PIBF1: variants seen among roughly 807,000 people sequenced by gnomAD.
PIBF1 encodes the protein progesterone immunomodulatory binding factor 1.
Under a neutral mutation model 112.5 loss-of-function variants are expected in PIBF1, and 90 were observed. The observed-to-expected ratio is 0.80, with a 90% confidence interval of 0.67 to 0.95. The LOEUF (loss-of-function observed/expected upper bound fraction) is 0.95, where lower values mean the gene tolerates loss of function less well. Among genes scored for constraint, PIBF1 ranks in the 40% least tolerant of loss-of-function variants. The pLI, the probability that PIBF1 is intolerant of heterozygous loss-of-function variation, is 0.00. For missense variants in PIBF1, 915 were observed against 852.3 expected (o/e 1.07, Z -0.92); for synonymous variants, 301 against 288.6 (o/e 1.04, Z -0.44).
At chr13:72,835,004 T>C (rs1230549017) in intron 8 of PIBF1, among the ~76,000 whole-genome samples, 1 of 152,188 alleles carries the variant, frequency 6.6e-6, no homozygotes, top group African/African-American at 2.4e-5. Flanking sequence ...ATTACTAAGA[T>C]TTTATATAGT....
At chr13:72,974,203 T>C (rs568923041) in intron 16 of PIBF1, 2 of 152,856 alleles carry the variant, frequency 1.3e-5, no homozygotes, top group African/African-American at 4.8e-5. Context: ...TCCTTTAAGG[T>C]TTATTGAGTT....
At chr13:72,790,800 G>A (rs1165338084) in intron 2 of PIBF1, among the ~76,000 whole-genome samples, 2 of 152,166 alleles carry the variant, frequency 1.3e-5, no homozygotes, top group Admixed American at 6.5e-5. Flanking sequence ...AAAAAACAAT[G>A]CACAGGACAT....
Position 72,827,770 on chromosome 13 carries a change from A to T in PIBF1, c.953A>T (p.Lys318Met), listed in dbSNP as rs763933005. 6.3e-7 allele frequency: 1 copy of T among 1,594,794 alleles called. No individual in the cohort carries two copies. The highest frequency in any genetic ancestry group is 8.5e-7 in the Non-Finnish European group (1 of 1,170,822). Residue 318 changes from lysine to methionine, a missense_variant, in exon 8 of 18, where the codon AAG becomes ATG. Physicochemically the swap from Lys to Met is moderately conservative, Grantham distance 95. Transcript: ENST00000326291. ...TLEQTVTLLQ[K>M]DKEYLNRQNM... ...GAGCAAACTGTTACTTTACTGCAAA[A>T]GGATAAAGAATATCTTAATCGCCAA...
At position 72,782,256 on chromosome 13, in the gene PIBF1, A is replaced by C; in HGVS notation, c.-141A>C. 1 of 172,978 alleles carries C rather than the reference A, an allele frequency of 5.8e-6. No individual in the cohort carries two copies. The highest frequency in any genetic ancestry group is 1.3e-4 in the East Asian group (1 of 7,962). 10.7% of individuals were successfully genotyped at this position (172,978 alleles called of 1,614,324 possible). ...TGAAATCCCTTGTTGAGGGCCTGCA[A>C]CCTTGTGCTTCCGACCGGAGACGCC... On this transcript the variant is annotated 5_prime_UTR_variant, in exon 1 of 18. Coordinates refer to ENST00000326291, the MANE Select transcript of PIBF1 (RefSeq NM_006346.4).
rs2035265885 is a variant in PIBF1, at chr13:72,797,768, G to A, written c.553-139G>A. ...TTAAGGCTTGATAGAAAGTATTAGT[G>A]GCTAGGGTCCATTAATGACTGTCTT... On this transcript the variant is annotated intron_variant, in intron 4 of 17. Coordinates refer to ENST00000326291, the MANE Select transcript of PIBF1 (RefSeq NM_006346.4). 8.3e-6 allele frequency: 5 copies of A among 601,606 alleles called. No individual in the cohort carries two copies. The East Asian group carries it at 1.5e-4, about 18-fold the overall frequency. The allele number at this position is 601,606 out of a possible 1,614,324, so 37.3% of individuals were successfully genotyped here. A position where few individuals can be genotyped will look rare whatever the true frequency, so the allele number is the denominator to read the frequency against.
At chr13:72,978,720 T>G (rs2043085133) in intron 16 of PIBF1, among the ~76,000 whole-genome samples, 1 of 152,212 alleles carries the variant, frequency 6.6e-6, no homozygotes, top group Non-Finnish European at 1.5e-5. Context: ...TCTATCTTAC[T>G]CTAAAATGTC....
intron 14 of PIBF1, among the ~76,000 whole-genome samples, chr13:72,935,996 TTAA>T (rs2041860902): frequency 6.6e-6 from 1 of 150,726 alleles, no homozygotes; most frequent in African/African-American, 2.4e-5. Context: ...TTTTCACCTC[TTAA>T]TGATGTCTTT....
intron 9 of PIBF1, among the ~76,000 whole-genome samples, chr13:72,852,840 G>C (rs117767350): frequency 0.029 from 4,363 of 152,264 alleles, 108 homozygotes; most frequent in Non-Finnish European, 0.043. Context: ...AGTGTGGCAT[G>C]ATGTAAAAAG....
At chr13:72,866,677 C>G (rs1393851920) in intron 10 of PIBF1, among the ~76,000 whole-genome samples, 1 of 152,014 alleles carries the variant, frequency 6.6e-6, no homozygotes, top group Non-Finnish European at 1.5e-5. Context: ...GTATAAAAAC[C>G]TAGCTTTAGA....
intron 14 of PIBF1, among the ~76,000 whole-genome samples, chr13:72,960,383 C>T (rs543759805): frequency 2.6e-4 from 40 of 152,074 alleles, no homozygotes; most frequent in Non-Finnish European, 5.4e-4. Flanking sequence ...CTAGCCTAGG[C>T]AACAGAGTGA....
chr13:72,935,328 C>CT (rs1200890315), intron 14 of PIBF1, among the ~76,000 whole-genome samples: 1 of 152,036 alleles, frequency 6.6e-6, no homozygotes, highest in Non-Finnish European at 1.5e-5. Flanking sequence ...TATGTATATG[C>CT]TTTTTTTAAT....
chr13:72,868,844 A>G (rs1239782339), intron 10 of PIBF1, among the ~76,000 whole-genome samples: 2 of 151,784 alleles, frequency 1.3e-5, no homozygotes, highest in East Asian at 1.9e-4. Context: ...AAAAAAAAAA[A>G]AAAAAAAGAT....
In PIBF1 at chr13:72,917,116, C is replaced by T. The variant is rs372236705; in HGVS notation, c.1680C>T (p.Tyr560=). 3.6e-5 allele frequency: 57 copies of T among 1,597,400 alleles called. No homozygotes were observed. In the Admixed American group the frequency reaches 3.6e-4, roughly 10 times the overall value. Residue 560 remains tyrosine (Y), a synonymous_variant, in exon 13 of 18, where the codon TAC becomes TAT. Transcript: ENST00000326291. ...EDEAERVLFS[Y]GYGANVPTTA... is the part of the protein sequence containing the mutation. ...AGGCTGAAAGGGTTCTTTTTTCCTA[C>T]GGCTATGGTGCTAATGTTCCCACAA...
At chr13:72,958,564 G>A (rs1009461657) in intron 14 of PIBF1, among the ~76,000 whole-genome samples, 1 of 151,922 alleles carries the variant, frequency 6.6e-6, no homozygotes, top group Non-Finnish European at 1.5e-5. Context: ...AGAAACACTG[G>A]TAAATAGCTC....
rs2034410710 is a variant in PIBF1, at chr13:72,783,453, G to A, written c.-17G>A. The A allele has an allele frequency of 6.6e-7, 1 of 1,521,730 alleles. No homozygotes were observed. Among genetic ancestry groups the A allele is most frequent in the Non-Finnish European group, 9.0e-7 (1 of 1,107,354 alleles). 94.3% of individuals were successfully genotyped at this position (1,521,730 alleles called of 1,614,324 possible). On this transcript the variant is annotated 5_prime_UTR_variant, in exon 2 of 18. Coordinates refer to ENST00000326291, the MANE Select transcript of PIBF1 (RefSeq NM_006346.4). ...TAAAATCAAATTAGAGAAGAAAACT[G>A]ATCCATAATAATAAAAATGTCTCGA... is the stretch of plus-strand genomic sequence containing the variant.
At chr13:72,848,934 G>C (rs1334093632) in intron 9 of PIBF1, among the ~76,000 whole-genome samples, 4 of 152,078 alleles carry the variant, frequency 2.6e-5, no homozygotes, top group Admixed American at 6.6e-5. Context: ...TGGTTTGTGT[G>C]TGTTTCTTTG....
chr13:72,996,758 C>T (rs982817542), intron 16 of PIBF1, among the ~76,000 whole-genome samples: 2 of 151,500 alleles, frequency 1.3e-5, no homozygotes, highest in Non-Finnish European at 2.9e-5. Flanking sequence ...CAGAGCAAGA[C>T]CCTGTCTCTA....
chr13:72,875,331 T>C (rs2039350829), intron 10 of PIBF1, among the ~76,000 whole-genome samples: 1 of 152,214 alleles, frequency 6.6e-6, no homozygotes, highest in Non-Finnish European at 1.5e-5. Flanking sequence ...TGCTTCCAGG[T>C]TATGGCAGTT....
intron 17 of PIBF1, among the ~76,000 whole-genome samples, chr13:73,005,293 C>T (rs1225959647): frequency 1.4e-5 from 2 of 147,550 alleles, no homozygotes; most frequent in African/African-American, 2.5e-5. Flanking sequence ...CCTACCTTTA[C>T]CAAAAAAAAA....
Sources: gnomAD v4.1 joint callset for allele counts (sites outside exome capture counted in the v4.1 genomes callset) on GRCh38, gnomAD v4.1.1 for gene constraint, MANE v1.5 for transcripts, NCBI Gene and HGNC (gene_info 2026-07-23, HGNC 2026-07-21) for gene names.